Variants in PRKG1 observed in about 807,000 individuals in gnomAD.
PRKG1 encodes the protein cGMP-dependent protein kinase 1.
Under a neutral mutation model 88.1 loss-of-function variants are expected in PRKG1, and 35 were observed. The observed-to-expected ratio is 0.40, with a 90% confidence interval of 0.30 to 0.53. PRKG1 has a LOEUF of 0.53. PRKG1 is among the 20% of genes least tolerant of loss of function. PRKG1 has a pLI of 0.59. For synonymous variants in PRKG1, 303 were observed against 292.5 expected (o/e 1.04, Z -0.37); for missense variants, 540 against 839.8 (o/e 0.64, Z 4.41).
chr10:52,118,524 T>C (rs1050423676), intron 7 of PRKG1, among the ~76,000 whole-genome samples: 3 of 152,052 alleles, frequency 2.0e-5, no homozygotes, highest in Admixed American at 1.3e-4. Flanking sequence ...TGATAGGTGC[T>C]GAGCCAGTAA....
intron 2 of PRKG1, among the ~76,000 whole-genome samples, chr10:51,458,436 T>G (rs1462253746): frequency 6.9e-6 from 1 of 144,216 alleles, no homozygotes; most frequent in African/African-American, 2.9e-5. Flanking sequence ...ATAACCCTTT[T>G]TTTTTTTTAC....
intron 8 of PRKG1, among the ~76,000 whole-genome samples, chr10:52,147,111 A>C (rs1051723590): frequency 6.6e-6 from 1 of 152,222 alleles, no homozygotes; most frequent in Non-Finnish European, 1.5e-5. Context: ...CAAATCTGAG[A>C]CTTCAGAAAA....
intron 3 of PRKG1, among the ~76,000 whole-genome samples, chr10:51,505,072 A>G (rs969338124): frequency 1.3e-5 from 2 of 152,140 alleles, no homozygotes; most frequent in African/African-American, 4.8e-5. Flanking sequence ...GAATGCTTCC[A>G]GTTTTTGCCC....
chr10:51,713,545 A>G (rs1245282055), intron 3 of PRKG1, among the ~76,000 whole-genome samples: 2 of 152,226 alleles, frequency 1.3e-5, no homozygotes, highest in African/African-American at 4.8e-5. Context: ...TATTAATTTA[A>G]GCTGTTTTAC....
intron 3 of PRKG1, among the ~76,000 whole-genome samples, chr10:51,532,527 G>T (rs1285074699): frequency 1.3e-5 from 2 of 152,098 alleles, no homozygotes; most frequent in Non-Finnish European, 2.9e-5. Flanking sequence ...TTTTAAATCA[G>T]CAGTCATGCC....
At chr10:51,106,480 A>G (rs556887310) in intron 1 of PRKG1, among the ~76,000 whole-genome samples, 1 of 152,276 alleles carries the variant, frequency 6.6e-6, no homozygotes, top group Non-Finnish European at 1.5e-5. Flanking sequence ...TAAGCTTGGA[A>G]TTACAACTTA....
intron 2 of PRKG1, among the ~76,000 whole-genome samples, chr10:51,275,316 A>T (rs1040259526): frequency 2.0e-5 from 3 of 152,216 alleles, no homozygotes; most frequent in Admixed American, 2.0e-4. Flanking sequence ...TGTGAAAATG[A>T]TCTTTATGTC....
At chr10:51,022,166 A>G (rs1042786594) in intron 1 of PRKG1, among the ~76,000 whole-genome samples, 19 of 152,202 alleles carry the variant, frequency 1.2e-4, no homozygotes, top group African/African-American at 4.6e-4. Flanking sequence ...ATCATGACCC[A>G]TCACCAGAAC....
chr10:51,706,287 A>C (rs1376144418), intron 3 of PRKG1, among the ~76,000 whole-genome samples: 1 of 152,184 alleles, frequency 6.6e-6, no homozygotes, highest in Non-Finnish European at 1.5e-5. Context: ...AATTTCATGT[A>C]CTCAAACTCC....
intron 4 of PRKG1, among the ~76,000 whole-genome samples, chr10:51,860,490 C>T (rs1435520202): frequency 6.6e-6 from 1 of 152,190 alleles, no homozygotes. Flanking sequence ...AAACAAGTCA[C>T]ATGGCCATAC....
At chr10:51,078,150 T>C (rs1368604795) in intron 1 of PRKG1, among the ~76,000 whole-genome samples, 1 of 152,110 alleles carries the variant, frequency 6.6e-6, no homozygotes, top group Non-Finnish European at 1.5e-5. Context: ...TTCCTAAAAG[T>C]GGTTAGTGTC....
At chr10:51,041,010 A>T (rs919705097) in intron 1 of PRKG1, among the ~76,000 whole-genome samples, 17 of 152,010 alleles carry the variant, frequency 1.1e-4, no homozygotes, top group African/African-American at 4.1e-4. Context: ...TAGGACTTCT[A>T]CTGTGGCTGA....
intron 5 of PRKG1, among the ~76,000 whole-genome samples, chr10:51,932,657 G>C (rs1397721727): frequency 3.3e-5 from 5 of 152,172 alleles, no homozygotes; most frequent in African/African-American, 4.8e-5. Flanking sequence ...CCCAGCCCTG[G>C]TGGGGACTGT....
Position 50,991,675 on chromosome 10 carries a change from C to A in PRKG1, c.266+31C>A. 2.1e-6 allele frequency: 3 copies of A among 1,414,954 alleles called. 1 individual carries two copies. The South Asian group carries it at 4.3e-5, about 20-fold the overall frequency. 87.6% of individuals were successfully genotyped at this position (1,414,954 alleles called of 1,614,324 possible). ...CGCGGAGGCCGTGGGCCCGGGCGCT[C>A]GTCCCGGCCCGCGGCGCAGAGGCTG... On this transcript the variant is annotated intron_variant, in intron 1 of 17. Transcript: ENST00000401604. This position sits in a 1 kb window ranked among gnomAD's most constrained non-coding sequence, Gnocchi z 4.5.
chr10:51,401,587 G>A (rs1231686522), intron 2 of PRKG1, among the ~76,000 whole-genome samples: 3 of 152,076 alleles, frequency 2.0e-5, no homozygotes, highest in African/African-American at 7.2e-5. Context: ...TTTTAAAACT[G>A]TTTTTTAAGT....
At chr10:51,165,489 A>C (rs1846512601) in intron 2 of PRKG1, among the ~76,000 whole-genome samples, 1 of 152,222 alleles carries the variant, frequency 6.6e-6, no homozygotes, top group Non-Finnish European at 1.5e-5. Context: ...AACTGCAACT[A>C]ACAAGCAAAA....
At position 51,369,814 on chromosome 10, in the gene PRKG1, T is replaced by A. The variant is rs1842663978; in HGVS notation, c.479-97909T>A. Among the ~76,000 whole-genome samples, 6 of 152,222 alleles carry A rather than the reference T, an allele frequency of 3.9e-5. No homozygotes were observed. In the South Asian group the frequency reaches 1.2e-3, roughly 32 times the overall value. ...CATGTGTCCCCTATGCACCTTATGC[T>A]CTACGACATCATCTCTGAGAGAAAA... On this transcript the variant is annotated intron_variant, in intron 2 of 17. Transcript: ENST00000373980.
chr10:51,526,058 G>C (rs1841876298), intron 3 of PRKG1, among the ~76,000 whole-genome samples: 1 of 152,122 alleles, frequency 6.6e-6, no homozygotes, highest in South Asian at 2.1e-4. Context: ...GACTTCAGAT[G>C]ATCTACCTGC....
At chr10:51,169,563 G>C (rs1305265605) in intron 2 of PRKG1, among the ~76,000 whole-genome samples, 1 of 144,908 alleles carries the variant, frequency 6.9e-6, no homozygotes, top group African/African-American at 2.7e-5. Flanking sequence ...AGCAACATTG[G>C]AAGATAAAAG....
Sources: gnomAD v4.1 joint callset for allele counts (sites outside exome capture counted in the v4.1 genomes callset) on GRCh38, gnomAD v4.1.1 for gene constraint, Gnocchi (gnomAD v3.1) non-coding constraint, MANE v1.5 for transcripts, NCBI Gene and HGNC (gene_info 2026-07-23, HGNC 2026-07-21) for gene names.